Variants in TRPC4 observed in about 807,000 individuals in gnomAD.
TRPC4 encodes short transient receptor potential channel 4.
In TRPC4, 49 loss-of-function variants were observed where a neutral mutation model predicts 99.4. The ratio of observed to expected loss-of-function variants is 0.49; its 90% confidence interval spans 0.39 to 0.63. TRPC4 has a LOEUF of 0.63. TRPC4 is among the 20% of genes least tolerant of loss of function. The pLI, the probability that TRPC4 is intolerant of heterozygous loss-of-function variation, is 0.00. For synonymous variants in TRPC4, 454 were observed against 425.9 expected (o/e 1.07, Z -0.81); for missense variants, 898 against 1,152.9 (o/e 0.78, Z 3.20).
intron 4 of TRPC4, among the ~76,000 whole-genome samples, chr13:37,685,705 A>G (rs1191164729): frequency 2.0e-5 from 3 of 152,014 alleles, no homozygotes; most frequent in Admixed American, 6.6e-5. Flanking sequence ...CATGTTTTCA[A>G]ACATTCTCTG....
At chr13:37,641,135 G>C (rs1226517971) in intron 8 of TRPC4, among the ~76,000 whole-genome samples, 1 of 152,102 alleles carries the variant, frequency 6.6e-6, no homozygotes, top group Non-Finnish European at 1.5e-5. Flanking sequence ...AGTACAAACT[G>C]TCTTTCCTTC....
intron 1 of TRPC4, among the ~76,000 whole-genome samples, chr13:37,856,428 G>A (rs908524641): frequency 6.8e-5 from 10 of 146,318 alleles, no homozygotes; most frequent in South Asian, 2.1e-4. Context: ...TGATGCCTTC[G>A]CTGTTGAATT....
chr13:37,692,072 G>C lies in TRPC4; in HGVS notation c.1161C>G (p.Ile387Met), dbSNP rs749201783. 1 of 1,613,792 alleles carries C rather than the reference G, an allele frequency of 6.2e-7. No homozygotes were observed. Among genetic ancestry groups the C allele is most frequent in the Non-Finnish European group, 8.5e-7 (1 of 1,179,848 alleles). Residue 387 changes from isoleucine to methionine, a missense_variant, in exon 4 of 11, where the codon ATC becomes ATG. Around this residue, in one of 3 missense-constraint regions of TRPC4, gnomAD observed 274 missense variants for 454.9 expected, o/e 0.60. Transcript: ENST00000379705. ...CTTGCCTGTTCAAGTCTGACCTGTC[G>C]ATGTGCTGAGAGGCAAGCAGCAGCA... ...LFLLLLASQH[I>M]DRSDLNRQGP...
intron 3 of TRPC4, among the ~76,000 whole-genome samples, chr13:37,728,143 C>A (rs1254915891): frequency 6.6e-6 from 1 of 151,774 alleles, no homozygotes. Flanking sequence ...AAGCGAGGTG[C>A]CTGCTGTCAC....
intron 4 of TRPC4, among the ~76,000 whole-genome samples, chr13:37,687,503 A>G (rs1378783012): frequency 2.0e-5 from 3 of 152,166 alleles, no homozygotes; most frequent in Non-Finnish European, 4.4e-5. Context: ...CCCATATCTT[A>G]CTACGTATTA....
chr13:37,649,077 C>T (rs1951939361), intron 8 of TRPC4, among the ~76,000 whole-genome samples: 1 of 151,840 alleles, frequency 6.6e-6, no homozygotes, highest in Non-Finnish European at 1.5e-5. Context: ...ATTATGACAG[C>T]ATTAATCATC....
intron 3 of TRPC4, among the ~76,000 whole-genome samples, chr13:37,704,640 T>C (rs953491194): frequency 6.6e-6 from 1 of 151,586 alleles, no homozygotes; most frequent in Admixed American, 6.6e-5. Flanking sequence ...TGTCTCTAAG[T>C]AAAAATAAAT....
chr13:37,806,802 A>G (rs189890703), intron 1 of TRPC4, among the ~76,000 whole-genome samples: 45 of 152,196 alleles, frequency 3.0e-4, no homozygotes, highest in Admixed American at 2.6e-3. Context: ...GGAGGGGAAG[A>G]AAGATCACAT....
chr13:37,753,706 T>C (rs796360551), intron 2 of TRPC4, among the ~76,000 whole-genome samples: 16 of 152,222 alleles, frequency 1.1e-4, no homozygotes, highest in African/African-American at 3.8e-4. Flanking sequence ...CTGAGAGTCC[T>C]CTGAATTCAG....
At chr13:37,760,104 T>G (rs1398145776) in intron 2 of TRPC4, among the ~76,000 whole-genome samples, 1 of 152,006 alleles carries the variant, frequency 6.6e-6, no homozygotes, top group African/African-American at 2.4e-5. Flanking sequence ...ATTCCTTATT[T>G]TAGGCTCTTT....
At chr13:37,851,720 T>A (rs972437463) in intron 1 of TRPC4, among the ~76,000 whole-genome samples, 2 of 152,184 alleles carry the variant, frequency 1.3e-5, no homozygotes, top group African/African-American at 4.8e-5. Context: ...TGTTATATCA[T>A]TGAAAGAGGC....
At chr13:37,753,833 C>A (rs773632690) in intron 2 of TRPC4, among the ~76,000 whole-genome samples, 20 of 152,062 alleles carry the variant, frequency 1.3e-4, no homozygotes, top group Admixed American at 2.6e-4. Flanking sequence ...TTCAGAGAAC[C>A]CTTGCATCCA....
At chr13:37,651,907 A>T (rs1398108914) in intron 7 of TRPC4, among the ~76,000 whole-genome samples, 1 of 152,206 alleles carries the variant, frequency 6.6e-6, no homozygotes, top group East Asian at 1.9e-4. Context: ...TTGCCAGGAA[A>T]AGTCTTATTG....
At chr13:37,703,639 A>G (rs913236834) in intron 3 of TRPC4, among the ~76,000 whole-genome samples, 1 of 152,176 alleles carries the variant, frequency 6.6e-6, no homozygotes, top group Non-Finnish European at 1.5e-5. Context: ...GTATCACTGC[A>G]TACCTATTAG....
chr13:37,819,829 T>C (rs533405643), intron 1 of TRPC4, among the ~76,000 whole-genome samples: 2 of 133,804 alleles, frequency 1.5e-5, no homozygotes, highest in Middle Eastern at 3.6e-3. Context: ...AAATGAAAGT[T>C]AAAAAAAAAA....
At chr13:37,752,139 A>T (rs1390089729) in intron 2 of TRPC4, among the ~76,000 whole-genome samples, 1 of 133,098 alleles carries the variant, frequency 7.5e-6, no homozygotes. Flanking sequence ...AAAATCTGCT[A>T]TGAGCCCTAG....
At chr13:37,721,032 T>C (rs1296446934) in intron 3 of TRPC4, among the ~76,000 whole-genome samples, 2 of 152,178 alleles carry the variant, frequency 1.3e-5, no homozygotes, top group African/African-American at 4.8e-5. Flanking sequence ...TCCAAACAAA[T>C]AGCTGCTTCT....
chr13:37,654,162 T>G (rs1240985143), intron 7 of TRPC4, among the ~76,000 whole-genome samples: 1 of 152,128 alleles, frequency 6.6e-6, no homozygotes, highest in Non-Finnish European at 1.5e-5. Context: ...TAAGGATGGT[T>G]GAAGTAAAAT....
chr13:37,851,783 T>G (rs1959065261), intron 1 of TRPC4, among the ~76,000 whole-genome samples: 1 of 152,138 alleles, frequency 6.6e-6, no homozygotes. Context: ...CCCTCCCCTA[T>G]CCTATGGCAG....
Sources: gnomAD v4.1 joint callset for allele counts (sites outside exome capture counted in the v4.1 genomes callset) on GRCh38, gnomAD v4.1.1 for gene constraint, gnomAD v4.1.1 regional missense constraint, MANE v1.5 for transcripts, NCBI Gene and HGNC (gene_info 2026-07-23, HGNC 2026-07-21) for gene names.